Variants in L3MBTL4 observed in about 807,000 individuals in gnomAD.
L3MBTL4 encodes the protein L3MBTL histone methyl-lysine binding protein 4.
Under a neutral mutation model 84.5 loss-of-function variants are expected in L3MBTL4, and 70 were observed. The observed-to-expected ratio is 0.83, with a 90% CI of 0.68 to 1.01. L3MBTL4 has a LOEUF of 1.01. Among genes scored for constraint, L3MBTL4 ranks in the 50% least tolerant of loss-of-function variants. The probability of loss-of-function intolerance (pLI) is 0.00; values close to 1 mark genes in which losing one functional copy is unlikely to be tolerated. For missense variants in L3MBTL4, 715 were observed against 754.8 expected, an observed-to-expected ratio of 0.95 and a Z score of 0.62; for synonymous variants, 274 against 259.8, an observed-to-expected ratio of 1.05 and a Z score of -0.52.
intron 16 of L3MBTL4, among the ~76,000 whole-genome samples, chr18:6,024,067 G>C (rs371402653): frequency 6.6e-6 from 1 of 152,030 alleles, no homozygotes; most frequent in African/African-American, 2.4e-5. Flanking sequence ...AGTAGACACC[G>C]GGTTTCACCA....
intron 16 of L3MBTL4, among the ~76,000 whole-genome samples, chr18:6,003,499 C>A (rs1216635400): frequency 3.3e-5 from 5 of 151,748 alleles, no homozygotes; most frequent in Non-Finnish European, 7.4e-5. Context: ...ATAGATCAAC[C>A]AAATAGAAGA....
intron 16 of L3MBTL4, among the ~76,000 whole-genome samples, chr18:6,034,567 T>A (rs569483865): frequency 0.013 from 1,972 of 152,240 alleles, 28 homozygotes; most frequent in African/African-American, 0.045. Flanking sequence ...TTTGGGTTGG[T>A]TCCAAGTCTT....
At position 6,336,773 on chromosome 18, in the gene L3MBTL4, AG is replaced by A. The variant is rs1469727214; in HGVS notation, c.-90-24718del. Among the ~76,000 whole-genome samples, 8 of 152,348 alleles carry A rather than the reference AG, an allele frequency of 5.3e-5. No homozygotes were observed. In the East Asian group the frequency reaches 1.5e-3, roughly 29 times the overall value. ...AACCTCTATAACTTTTTATACTCAA[AG>A]CCTAGCATTCAATAAAAAATTACAG... On this transcript the variant is annotated intron_variant, in intron 1 of 18. Transcript: ENST00000317931.
chr18:6,123,609 C>T (rs2059596199), intron 14 of L3MBTL4, among the ~76,000 whole-genome samples: 1 of 152,180 alleles, frequency 6.6e-6, no homozygotes, highest in Non-Finnish European at 1.5e-5. Context: ...ATTAAACCTC[C>T]TTTTCTTTAT....
At chr18:6,190,893 C>T (rs181057292) in intron 12 of L3MBTL4, among the ~76,000 whole-genome samples, 1 of 152,124 alleles carries the variant, frequency 6.6e-6, no homozygotes, top group East Asian at 1.9e-4. Flanking sequence ...AGGGAACAGC[C>T]AGAGTAGAGA....
rs949544098 is a variant in L3MBTL4 at position 6,163,266 on chromosome 18, G to T, written c.1096+8562C>A. Among the ~76,000 whole-genome samples, 46 of 96,372 alleles carry T rather than the reference G, an allele frequency of 4.8e-4. No homozygotes were observed. In the East Asian group the frequency reaches 5.2e-3, roughly 11 times the overall value. The allele number at this position is 96,372 out of a possible 152,430, so 63.2% of individuals were successfully genotyped here. A position where few individuals can be genotyped will look rare whatever the true frequency, so the allele number is the denominator to read the frequency against. ...TCTACGGGTGTGTGTGTGTGGGGGG[G>T]GGGTGGGTGTGTGTGTGTGTGTGTG... On this transcript the variant is annotated intron_variant, in intron 13 of 18. Coordinates refer to ENST00000317931, the MANE Select transcript of L3MBTL4 (RefSeq NM_001330559.2).
At chr18:6,115,621 G>A (rs1269577589) in intron 14 of L3MBTL4, among the ~76,000 whole-genome samples, 1 of 152,300 alleles carries the variant, frequency 6.6e-6, no homozygotes, top group Non-Finnish European at 1.5e-5. Flanking sequence ...TGTGCCAGAG[G>A]TGTCTATCAG....
intron 13 of L3MBTL4, among the ~76,000 whole-genome samples, chr18:6,156,479 G>T (rs1257516619): frequency 6.7e-6 from 1 of 148,552 alleles, no homozygotes; most frequent in Non-Finnish European, 1.5e-5. Context: ...AGGTATTGTA[G>T]GGTGACGTAG....
Position 6,010,495 on chromosome 18 carries a change from A to T in L3MBTL4, c.1445-40933T>A, listed in dbSNP as rs185668090. Among the ~76,000 whole-genome samples, 357 of 152,280 alleles carry T rather than the reference A, an allele frequency of 2.3e-3. 3 individuals carry two copies. The highest frequency in any genetic ancestry group is 8.2e-3 in the African/African-American group (340 of 41,564). On this transcript the variant is annotated intron_variant, in intron 16 of 18. Transcript: ENST00000317931. ...AAGGAGCCTCCCCACCACCTGCATA[A>T]ATGATCGCTGTAGTCAGCGCCACTT... is the stretch of plus-strand genomic sequence containing the variant.
chr18:6,398,748 G>C (rs563362558), intron 1 of L3MBTL4, among the ~76,000 whole-genome samples: 64 of 150,340 alleles, frequency 4.3e-4, no homozygotes, highest in African/African-American at 1.5e-3. Context: ...CATTGCGGGG[G>C]GGCGGGGGCG....
intron 10 of L3MBTL4, among the ~76,000 whole-genome samples, chr18:6,233,898 A>G (rs930480412): frequency 1.1e-4 from 16 of 152,134 alleles, no homozygotes; most frequent in African/African-American, 3.6e-4. Context: ...GAGGCATCAC[A>G]CTACCTGACT....
intron 1 of L3MBTL4, among the ~76,000 whole-genome samples, chr18:6,317,151 CA>C (rs1475871095): frequency 6.6e-6 from 1 of 152,038 alleles, no homozygotes; most frequent in Non-Finnish European, 1.5e-5. Flanking sequence ...GGGAAAGCCA[CA>C]ATACAAAGAT....
rs577531242 is a variant in L3MBTL4 at position 6,368,871 on chromosome 18, G to A, written c.-91+45930C>T. ...AGCCTGGCCAACATGGTGAAACCCC[G>A]TCTCTACTGAAAATTCAAAAATTAG... On this transcript the variant is annotated intron_variant, in intron 1 of 18. Transcript: ENST00000317931. Among the ~76,000 whole-genome samples the A allele has an allele frequency of 6.6e-5, 10 of 151,996 alleles. 1 individual carries two copies. Among genetic ancestry groups the A allele is most frequent in the East Asian group, 3.9e-4 (2 of 5,158 alleles).
chr18:5,989,012 T>G (rs981080114), intron 16 of L3MBTL4, among the ~76,000 whole-genome samples: 2 of 152,180 alleles, frequency 1.3e-5, no homozygotes, highest in African/African-American at 4.8e-5. Flanking sequence ...GGTGCACCTT[T>G]GAGGACTTCC....
intron 16 of L3MBTL4, among the ~76,000 whole-genome samples, chr18:6,036,306 G>T (rs2056137752): frequency 6.6e-6 from 1 of 151,942 alleles, no homozygotes; most frequent in South Asian, 2.1e-4. Context: ...TTCTCACAAT[G>T]CATAAGCTGA....
chr18:5,988,112 G>A (rs1318296698), intron 16 of L3MBTL4, among the ~76,000 whole-genome samples: 1 of 152,190 alleles, frequency 6.6e-6, no homozygotes. Flanking sequence ...TGCCAGAGAT[G>A]GCAGAGACTT....
intron 4 of L3MBTL4, among the ~76,000 whole-genome samples, chr18:6,294,396 C>T (rs1387166328): frequency 6.6e-6 from 1 of 152,112 alleles, no homozygotes; most frequent in African/African-American, 2.4e-5. Flanking sequence ...TTAAAATGCA[C>T]CAAAGTGGCA....
intron 1 of L3MBTL4, among the ~76,000 whole-genome samples, chr18:6,402,205 A>G (rs1472064511): frequency 6.6e-6 from 1 of 152,222 alleles, no homozygotes; most frequent in East Asian, 1.9e-4. Context: ...AGCTATATAC[A>G]TTTATTCCAC....
intron 12 of L3MBTL4, among the ~76,000 whole-genome samples, chr18:6,207,040 T>G (rs1419019838): frequency 6.6e-6 from 1 of 152,208 alleles, no homozygotes. Context: ...TACCACCTGT[T>G]TCTGTGAGTC....
Sources: gnomAD v4.1 joint callset for allele counts (sites outside exome capture counted in the v4.1 genomes callset) on GRCh38, gnomAD v4.1.1 for gene constraint, MANE v1.5 for transcripts, NCBI Gene and HGNC (gene_info 2026-07-23, HGNC 2026-07-21) for gene names.